Variants in ARHGEF10L observed in about 807,000 individuals in gnomAD.
ARHGEF10L encodes the protein Rho guanine nucleotide exchange factor 10 like, also known as rho guanine nucleotide exchange factor 10-like protein.
ARHGEF10L carries 69 observed loss-of-function variants against 141.2 expected under a neutral mutation model. That is an observed-to-expected ratio of 0.49 (90% CI 0.40 to 0.60). The LOEUF (loss-of-function observed/expected upper bound fraction) is 0.60, where lower values mean the gene tolerates loss of function less well. Ranked by LOEUF, ARHGEF10L falls within the 20% of genes least tolerant of loss-of-function variation. The pLI is 0.00. For missense variants in ARHGEF10L, 1,482 were observed against 1,734.3 expected, an observed-to-expected ratio of 0.85 and a Z score of 2.58; for synonymous variants, 711 against 718.5, an observed-to-expected ratio of 0.99 and a Z score of 0.17.
intron 1 of ARHGEF10L, among the ~76,000 whole-genome samples, chr1:17,557,640 T>G (rs1409079705): frequency 6.6e-6 from 1 of 152,248 alleles, no homozygotes. Context: ...TTCTCAGGTC[T>G]TTTGTTAATT....
chr1:17,533,454 G>A, the ARHGEF10L span, among the ~76,000 whole-genome samples: 1 of 152,164 alleles, frequency 6.6e-6, no homozygotes, highest in South Asian at 2.1e-4. Context: ...ATAAGCGTGA[G>A]CCACTGTGCC....
chr1:17,557,853 G>C (rs193009497), intron 1 of ARHGEF10L, among the ~76,000 whole-genome samples: 12 of 152,194 alleles, frequency 7.9e-5, no homozygotes, highest in African/African-American at 2.9e-4. Flanking sequence ...GAAACACGTA[G>C]CAAGGAAATG....
At chr1:17,622,860 C>T (rs775678932) in intron 11 of ARHGEF10L, 136 bp from the exon 12 acceptor site, 3 of 844,786 alleles carry the variant, frequency 3.6e-6, no homozygotes, top group Non-Finnish European at 3.6e-6. Context: ...CGGAAGGACG[C>T]ATGAGGAGTG....
rs1290351268 is a variant in ARHGEF10L at position 17,624,516 on chromosome 1, G to A, written c.1317+13G>A. ...CGAGTTCCTCAAGGTGGGCCTCCAT[G>A]GTGGTACCGTGCCTGGTCAGGGTGG... On this transcript the variant is annotated intron_variant, in intron 13 of 28. Coordinates refer to ENST00000361221, the MANE Select transcript of ARHGEF10L (RefSeq NM_018125.4). 6.8e-6 allele frequency: 11 copies of A among 1,607,608 alleles called. No homozygotes were observed. The Admixed American group carries it at 1.8e-4, about 27-fold the overall frequency.
In ARHGEF10L at chr1:17,613,544, G is replaced by T. The variant is rs1557824317; in HGVS notation, c.726+370G>T. On this transcript the variant is annotated intron_variant, in intron 8 of 28. Coordinates refer to ENST00000361221, the MANE Select transcript of ARHGEF10L (RefSeq NM_018125.4). The stretch of plus-strand genomic sequence containing the variant: ...CAAGGGTGCCACTTACGTAGGTCTG[G>T]GACGAGGCTCAGGAATCTGCACATT... Among the ~76,000 whole-genome samples the T allele has an allele frequency of 2.0e-5, 3 of 152,148 alleles. No homozygotes were observed. The South Asian group carries it at 6.2e-4, about 32-fold the overall frequency.
the ARHGEF10L span, among the ~76,000 whole-genome samples, chr1:17,527,423 C>T: frequency 1.2e-4 from 18 of 152,174 alleles, no homozygotes; most frequent in Admixed American, 8.5e-4. Flanking sequence ...GGATTGACTC[C>T]GACCAGAACT....
At chr1:17,664,936 AG>A (rs1261935697) in intron 26 of ARHGEF10L, among the ~76,000 whole-genome samples, 2 of 152,120 alleles carry the variant, frequency 1.3e-5, no homozygotes, top group African/African-American at 4.8e-5. Flanking sequence ...GGCAATGCTG[AG>A]GGTGTGGCCA....
At chr1:17,663,315 G>C (rs1375733711) in intron 25 of ARHGEF10L, among the ~76,000 whole-genome samples, 1 of 152,140 alleles carries the variant, frequency 6.6e-6, no homozygotes, top group Non-Finnish European at 1.5e-5. Context: ...ACTTTGGGAG[G>C]CCGAGGTGGG....
At chr1:17,632,284 G>T (rs150955569) in intron 15 of ARHGEF10L, 37 bp from the exon 16 acceptor site, 2 of 1,609,486 alleles carry the variant, frequency 1.2e-6, no homozygotes, top group Non-Finnish European at 8.5e-7. Flanking sequence ...CCGCCGGGCC[G>T]CGATGCTGAT....
intron 26 of ARHGEF10L, among the ~76,000 whole-genome samples, chr1:17,666,075 C>T (rs1481887379): frequency 6.6e-6 from 1 of 152,214 alleles, no homozygotes; most frequent in Non-Finnish European, 1.5e-5. Context: ...ATTCAGGCTT[C>T]AGCAGATTGG....
chr1:17,647,368 G>A (rs563379727), intron 21 of ARHGEF10L, among the ~76,000 whole-genome samples: 11 of 152,272 alleles, frequency 7.2e-5, no homozygotes, highest in Admixed American at 2.0e-4. Flanking sequence ...AGACGGCGGC[G>A]CTCAGTGTGG....
In ARHGEF10L at chr1:17,603,610, T is replaced by A. The variant is rs1345623969; in HGVS notation, c.433+19T>A. ...CAGCCCGGTATGATGTCTGCAGTGC[T>A]TCCCTGTTTCTCTTGGGGACAGGGG... On this transcript the variant is annotated intron_variant, in intron 6 of 28. Transcript: ENST00000361221. This position sits in a 1 kb window ranked among gnomAD's most constrained non-coding sequence, Gnocchi z 4.8. 6.3e-7 allele frequency: 1 copy of A among 1,593,884 alleles called. No homozygotes were observed. The highest frequency in any genetic ancestry group is 2.3e-5 in the East Asian group (1 of 43,784).
intron 7 of ARHGEF10L, among the ~76,000 whole-genome samples, chr1:17,611,533 T>TCCATCC (rs113523077): frequency 6.6e-6 from 1 of 150,660 alleles, no homozygotes; most frequent in East Asian, 1.9e-4. Context: ...TCTGTCTGTA[T>TCCATCC]ATCCATCCAT....
chr1:17,687,325 T>C (rs6689540), intron 26 of ARHGEF10L, among the ~76,000 whole-genome samples: 32,114 of 152,098 alleles, frequency 0.21, 4,010 homozygotes, highest in African/African-American at 0.35. Flanking sequence ...GTTTACACCA[T>C]GGAAATTGGC....
At chr1:17,659,413 T>A (rs2062468711) in intron 25 of ARHGEF10L, among the ~76,000 whole-genome samples, 1 of 152,226 alleles carries the variant, frequency 6.6e-6, no homozygotes, top group African/African-American at 2.4e-5. Context: ...ACCTTCCACC[T>A]GGATTACATG....
At chr1:17,569,314 C>T (rs1431527707) in intron 1 of ARHGEF10L, among the ~76,000 whole-genome samples, 1 of 152,168 alleles carries the variant, frequency 6.6e-6, no homozygotes, top group Non-Finnish European at 1.5e-5. Flanking sequence ...CAGCACATCA[C>T]TGAGGGGTGT....
chr1:17,588,063 C>A (rs1443810341), intron 3 of ARHGEF10L, among the ~76,000 whole-genome samples: 1 of 152,204 alleles, frequency 6.6e-6, no homozygotes, highest in African/African-American at 2.4e-5. Flanking sequence ...TGTTAAATGG[C>A]AGCTTCTGGG....
At chr1:17,586,729 A>G (rs2079051926) in intron 2 of ARHGEF10L, among the ~76,000 whole-genome samples, 1 of 152,136 alleles carries the variant, frequency 6.6e-6, no homozygotes, top group Admixed American at 6.5e-5. Context: ...GAGTACAAAC[A>G]AGGGGCAGGG....
intron 9 of ARHGEF10L, among the ~76,000 whole-genome samples, chr1:17,616,419 A>G (rs1010384494): frequency 6.6e-6 from 1 of 152,122 alleles, no homozygotes. Flanking sequence ...CCCTTCTGGG[A>G]GAGCTGGGCC....
Sources: allele counts gnomAD v4.1 joint callset (sites outside exome capture counted in the v4.1 genomes callset), GRCh38; gene constraint gnomAD v4.1.1; non-coding constraint Gnocchi (gnomAD v3.1); transcripts MANE v1.5; gene names NCBI Gene and HGNC (gene_info 2026-07-23, HGNC 2026-07-21).